ATXN1: variants seen among roughly 807,000 people sequenced by gnomAD.
The protein encoded by ATXN1 is ataxin-1.
A neutral mutation model predicts 56.4 loss-of-function variants in ATXN1; 8 were observed. That is an observed-to-expected ratio of 0.14 (90% CI 0.08 to 0.26). ATXN1 has a LOEUF of 0.26. Ranked by LOEUF, ATXN1 falls within the 10% of genes least tolerant of loss-of-function variation. The probability of loss-of-function intolerance (pLI) is 1.00; values close to 1 mark genes in which losing one functional copy is unlikely to be tolerated. For synonymous variants in ATXN1, 514 were observed against 494.6 expected, an observed-to-expected ratio of 1.04 and a Z score of -0.52; for missense variants, 987 against 1,106.5, an observed-to-expected ratio of 0.89 and a Z score of 1.53.
chr6:16,569,841 C>G (rs1383921451), intron 4 of ATXN1, among the ~76,000 whole-genome samples: 1 of 152,176 alleles, frequency 6.6e-6, no homozygotes, highest in Admixed American at 6.5e-5. Context: ...ATTTCACCAA[C>G]AAACCTCCCA....
chr6:16,614,679 T>A (rs796994137), intron 3 of ATXN1, among the ~76,000 whole-genome samples: 1 of 151,640 alleles, frequency 6.6e-6, no homozygotes, highest in Non-Finnish European at 1.5e-5. Flanking sequence ...CCCCAGCACT[T>A]TGGGAGGCTG....
At chr6:16,335,261 C>G (rs1761092053) in intron 6 of ATXN1, among the ~76,000 whole-genome samples, 1 of 152,244 alleles carries the variant, frequency 6.6e-6, no homozygotes, top group Non-Finnish European at 1.5e-5. Context: ...TGGGGCAGGC[C>G]TCTTGGCCCA....
intron 3 of ATXN1, among the ~76,000 whole-genome samples, chr6:16,623,829 T>C (rs1369399893): frequency 6.6e-6 from 1 of 152,256 alleles, no homozygotes; most frequent in Non-Finnish European, 1.5e-5. Flanking sequence ...CTAAAAACCA[T>C]TCAATTCTGC....
chr6:16,741,765 T>C (rs1420708415), intron 2 of ATXN1, among the ~76,000 whole-genome samples: 2 of 152,248 alleles, frequency 1.3e-5, no homozygotes, highest in Non-Finnish European at 2.9e-5. Flanking sequence ...CATTTTAATG[T>C]TGTTTATTAC....
At chr6:16,731,454 CTTTTTTTTTTTTTTTT>C (rs71559655) in intron 2 of ATXN1, among the ~76,000 whole-genome samples, 21,777 of 83,598 alleles carry the variant, frequency 0.26, 3,455 homozygotes, top group African/African-American at 0.51. Flanking sequence ...TTTTTCTTTT[CTTTTTTTTTTTTTTTT>C]TTTTTTTTTT....
At chr6:16,415,570 G>A (rs371561391) in intron 6 of ATXN1, among the ~76,000 whole-genome samples, 4 of 152,300 alleles carry the variant, frequency 2.6e-5, no homozygotes, top group Admixed American at 1.3e-4. Context: ...TTGTTTACCC[G>A]AAGCAGCTGG....
chr6:16,525,991 C>T (rs1295255491), intron 4 of ATXN1, among the ~76,000 whole-genome samples: 1 of 147,812 alleles, frequency 6.8e-6, no homozygotes, highest in Non-Finnish European at 1.5e-5. Context: ...AGACTCTCTC[C>T]TATGCCCAAG....
At chr6:16,639,670 C>T (rs1466130421) in intron 3 of ATXN1, among the ~76,000 whole-genome samples, 1 of 152,184 alleles carries the variant, frequency 6.6e-6, no homozygotes, top group Non-Finnish European at 1.5e-5. Flanking sequence ...AGTGCAGCTT[C>T]AACCAGCAGC....
intron 3 of ATXN1, among the ~76,000 whole-genome samples, chr6:16,648,855 A>G (rs1763846099): frequency 1.3e-5 from 2 of 152,294 alleles, no homozygotes; most frequent in Admixed American, 6.5e-5. Flanking sequence ...GGGCAAGGCT[A>G]TCATGCAAAA....
intron 3 of ATXN1, among the ~76,000 whole-genome samples, chr6:16,655,342 G>A (rs903647356): frequency 6.6e-6 from 1 of 152,124 alleles, no homozygotes; most frequent in Non-Finnish European, 1.5e-5. Flanking sequence ...ACAACATAGC[G>A]AGACCTCGTA....
intron 6 of ATXN1, among the ~76,000 whole-genome samples, chr6:16,459,091 T>C (rs937102351): frequency 2.0e-5 from 3 of 152,212 alleles, no homozygotes; most frequent in South Asian, 2.1e-4. Flanking sequence ...TCAGTTGTAA[T>C]TGGGAGACTT....
At chr6:16,622,650 G>C (rs1267521937) in intron 3 of ATXN1, among the ~76,000 whole-genome samples, 1 of 152,118 alleles carries the variant, frequency 6.6e-6, no homozygotes, top group African/African-American at 2.4e-5. Context: ...AGAGTGTTCT[G>C]CATGCATGAT....
chr6:16,600,615 C>T (rs765533293), intron 3 of ATXN1, among the ~76,000 whole-genome samples: 6 of 152,100 alleles, frequency 3.9e-5, no homozygotes, highest in Admixed American at 6.5e-5. Context: ...GATTTGGTAA[C>T]GAAATTCCTT....
At chr6:16,475,790 G>C (rs1481522810) in intron 6 of ATXN1, among the ~76,000 whole-genome samples, 2 of 152,002 alleles carry the variant, frequency 1.3e-5, no homozygotes, top group Non-Finnish European at 2.9e-5. Flanking sequence ...GATGGGAAGA[G>C]AACCCAGGTG....
At chr6:16,383,972 G>C (rs1424284190) in intron 6 of ATXN1, among the ~76,000 whole-genome samples, 1 of 152,210 alleles carries the variant, frequency 6.6e-6, no homozygotes, top group Non-Finnish European at 1.5e-5. Flanking sequence ...CTTCTTACCA[G>C]CAAGGTCCAA....
chr6:16,546,251 T>C (rs538112341), intron 4 of ATXN1, among the ~76,000 whole-genome samples: 38 of 152,352 alleles, frequency 2.5e-4, no homozygotes, highest in Admixed American at 2.1e-3. Flanking sequence ...GCTGATTGTG[T>C]CTTCAAGCAA....
chr6:16,579,958 C>T (rs977709431), intron 4 of ATXN1, among the ~76,000 whole-genome samples: 40 of 152,206 alleles, frequency 2.6e-4, no homozygotes, highest in African/African-American at 9.1e-4. Context: ...CTAAAACATT[C>T]AGCAAAAATC....
chr6:16,572,584 C>T (rs997714050), intron 4 of ATXN1, among the ~76,000 whole-genome samples: 1 of 152,028 alleles, frequency 6.6e-6, no homozygotes, highest in Non-Finnish European at 1.5e-5. Context: ...AGTGGAAATT[C>T]GTGAAATAAG....
chr6:16,382,641 A>G (rs1316021722), intron 6 of ATXN1, among the ~76,000 whole-genome samples: 1 of 152,160 alleles, frequency 6.6e-6, no homozygotes, highest in Non-Finnish European at 1.5e-5. Context: ...CCATTCCTCC[A>G]TAACAATGAA....
Sources: gnomAD v4.1 joint callset for allele counts (sites outside exome capture counted in the v4.1 genomes callset) on GRCh38, gnomAD v4.1.1 for gene constraint, MANE v1.5 for transcripts, NCBI Gene and HGNC (gene_info 2026-07-23, HGNC 2026-07-21) for gene names.